OTOF: variants seen among roughly 807,000 people sequenced by gnomAD.
The protein encoded by OTOF is fer-1-like family member 2.
OTOF carries 218 observed loss-of-function variants against 236.8 expected under a neutral mutation model. The observed-to-expected ratio is 0.92, with a 90% CI of 0.82 to 1.03. The LOEUF (loss-of-function observed/expected upper bound fraction) is 1.03, where lower values mean the gene tolerates loss of function less well. Among genes scored for constraint, OTOF ranks in the 50% least tolerant of loss-of-function variants. OTOF has a pLI of 0.00. For synonymous variants in OTOF, 1,041 were observed against 1,072.5 expected (o/e 0.97, Z 0.57); for missense variants, 2,590 against 2,694.4 (o/e 0.96, Z 0.86).
rs1274329905 is a variant in OTOF at position 26,558,685 on chromosome 2, G to A, written c.-114C>T. The A allele has an allele frequency of 2.7e-5, 24 of 903,566 alleles. No homozygotes were observed. The highest frequency in any genetic ancestry group is 6.9e-5 in the South Asian group (5 of 72,888). 56.0% of individuals were successfully genotyped at this position (903,566 alleles called of 1,614,324 possible). A position where few individuals can be genotyped will look rare whatever the true frequency, so the allele number is the denominator to read the frequency against. On this transcript the variant is annotated 5_prime_UTR_variant, in exon 1 of 47. Transcript: ENST00000272371. ...GCCGCTGCCTCCTCCTCCTCCTCCC[G>A]ACCCCCCTCCGATGCTGCCCACAGA... is the stretch of plus-strand genomic sequence containing the variant.
intron 8 of OTOF, among the ~76,000 whole-genome samples, chr2:26,496,669 T>G (rs547615140): frequency 6.6e-6 from 1 of 152,246 alleles, no homozygotes; most frequent in South Asian, 2.1e-4. Context: ...CCATCAGGTC[T>G]CATTTGGATT....
chr2:26,475,724 C>T (rs981232616), intron 24 of OTOF, among the ~76,000 whole-genome samples, 190 bp downstream of exon 24: 1 of 152,166 alleles, frequency 6.6e-6, no homozygotes, highest in Non-Finnish European at 1.5e-5. Flanking sequence ...AGCTAAAGCC[C>T]GTAGCCTTTC....
At chr2:26,510,030 G>A (rs1165155864) in intron 5 of OTOF, among the ~76,000 whole-genome samples, 2 of 152,096 alleles carry the variant, frequency 1.3e-5, no homozygotes, top group African/African-American at 4.8e-5. Context: ...TTCTAGGGGT[G>A]CCTACAAGAC....
intron 1 of OTOF, among the ~76,000 whole-genome samples, chr2:26,552,442 A>G (rs1268600960): frequency 6.6e-6 from 1 of 152,248 alleles, no homozygotes; most frequent in African/African-American, 2.4e-5. Context: ...ATGATCGGTA[A>G]AAGTGGCTAA....
chr2:26,468,177 C>T (rs1379869256), intron 33 of OTOF, among the ~76,000 whole-genome samples: 1 of 152,216 alleles, frequency 6.6e-6, no homozygotes, highest in Non-Finnish European at 1.5e-5. Context: ...TTCTGTGGCT[C>T]TAAATGTCTG....
At chr2:26,489,114 G>T in intron 11 of OTOF, 97 bp downstream of exon 11, 2 of 887,820 alleles carry the variant, frequency 2.3e-6, no homozygotes, top group Non-Finnish European at 1.8e-6. Flanking sequence ...GTCCTTGCCA[G>T]CCTTTTCCCA....
In OTOF at chr2:26,460,278, GACC is replaced by G. The variant is rs1331916136; in HGVS notation, c.5814-76_5814-74del. On this transcript the variant is annotated intron_variant, in intron 45 of 46. Transcript: ENST00000272371. This position sits in a 1 kb window ranked among gnomAD's most constrained non-coding sequence, Gnocchi z 5.3. ...GGGATTGGGTGTGGCGAGGGGCCAA[GACC>G]AAGAGGGAAGCTGTCCTGGGCTGTG... 8.1e-7 allele frequency: 1 copy of G among 1,229,418 alleles called. No individual in the cohort carries two copies. The highest frequency in any genetic ancestry group is 1.5e-5 in the African/African-American group (1 of 67,016). The allele number at this position is 1,229,418 out of a possible 1,614,324, so 76.2% of individuals were successfully genotyped here.
intron 5 of OTOF, among the ~76,000 whole-genome samples, chr2:26,513,762 G>A (rs912864127): frequency 5.3e-5 from 8 of 152,194 alleles, no homozygotes; most frequent in African/African-American, 1.9e-4. Flanking sequence ...GGCTCCTAAC[G>A]GGGTCAGAGG....
chr2:26,521,546 T>C lies in OTOF; in HGVS notation c.228-2437A>G, dbSNP rs115307596. On this transcript the variant is annotated intron_variant, in intron 3 of 46. Transcript: ENST00000272371. ...AATCCCTGAAACAACCTCCCTGACA[T>C]GTGCTTTTAAGTCCCTGCTAGATAC... is the stretch of plus-strand genomic sequence containing the variant. Among the ~76,000 whole-genome samples, 512 of 152,282 alleles carry C rather than the reference T, an allele frequency of 3.4e-3. 3 individuals carry two copies. Among genetic ancestry groups the C allele is most frequent in the African/African-American group, 0.012 (484 of 41,562 alleles).
chr2:26,483,088 CAT>C (rs560905947), intron 13 of OTOF, among the ~76,000 whole-genome samples: 1,521 of 136,574 alleles, frequency 0.011, 16 homozygotes, highest in Non-Finnish European at 0.015. Flanking sequence ...TGAATGGGTG[CAT>C]GTGTGTGTGT....
In OTOF at chr2:26,458,219, G is replaced by C; in HGVS notation, c.*19C>G. On this transcript the variant is annotated splice_region_variant and 3_prime_UTR_variant, in exon 47 of 47. Transcript: ENST00000272371. ...AACCAGACGAAGGCCGTGTCGGGCC[G>C]GCTGGGAAGTGGAAGAGAGGAGCCG... 1.3e-6 allele frequency: 2 copies of C among 1,577,442 alleles called. No homozygotes were observed. The highest frequency in any genetic ancestry group is 1.7e-6 in the Non-Finnish European group (2 of 1,161,534).
intron 6 of OTOF, among the ~76,000 whole-genome samples, chr2:26,502,935 C>G (rs926233467): frequency 6.6e-6 from 1 of 152,222 alleles, no homozygotes; most frequent in African/African-American, 2.4e-5. Flanking sequence ...GAACCTAATG[C>G]ATTGGTGTGT....
chr2:26,484,368 G>T, intron 12 of OTOF, 106 bp downstream of exon 12: 2 of 1,209,676 alleles, frequency 1.7e-6, no homozygotes, highest in Non-Finnish European at 2.4e-6. Context: ...CGAGAGCAGG[G>T]TGAGGGAGAC....
intron 38 of OTOF, 29 bp from the exon 39 acceptor site, chr2:26,465,058 G>A (rs1430510852): frequency 2.8e-6 from 4 of 1,450,682 alleles, no homozygotes; most frequent in Non-Finnish European, 2.7e-6. Flanking sequence ...AGGCTTGGAG[G>A]GGCTGGGTGG....
intron 39 of OTOF, among the ~76,000 whole-genome samples, chr2:26,464,334 G>A (rs959155350): frequency 6.6e-6 from 1 of 151,920 alleles, no homozygotes; most frequent in Non-Finnish European, 1.5e-5. Context: ...TCTGCTTGGG[G>A]AAGTTGACTG....
intron 1 of OTOF, among the ~76,000 whole-genome samples, chr2:26,557,475 G>GCTCCGCTGTCCCCGGGGT (rs1045820571): frequency 6.6e-6 from 1 of 152,142 alleles, no homozygotes; most frequent in Non-Finnish European, 1.5e-5. Context: ...ATGCTCAGGG[G>GCTCCGCTGTCCCCGGGGT]CTCCGCTGTC....
At position 26,503,930 on chromosome 2, in the gene OTOF, GAAC is replaced by G. The variant is rs932725571; in HGVS notation, c.510-88_510-86del. On this transcript the variant is annotated intron_variant, in intron 5 of 46. Transcript: ENST00000272371. The stretch of plus-strand genomic sequence containing the variant: ...AAACACAGAAGAGCCAAACATGAGA[GAAC>G]ACATCAGAGAAGGGAGATGGACCCG... 7.5e-6 allele frequency: 9 copies of G among 1,195,078 alleles called. No individual in the cohort carries two copies. In the African/African-American group the frequency reaches 1.3e-4, roughly 18 times the overall value. The allele number at this position is 1,195,078 out of a possible 1,614,324, so 74.0% of individuals were successfully genotyped here.
chr2:26,481,328 A>T lies in OTOF; in HGVS notation c.1580-319T>A, dbSNP rs1665535675. Among the ~76,000 whole-genome samples the T allele has an allele frequency of 2.6e-5, 4 of 152,148 alleles. No individual in the cohort carries two copies. The South Asian group carries it at 8.3e-4, about 32-fold the overall frequency. Reference sequence around the variant, plus strand: ...CCAGTCCTTCCAAGTCCGCAGCATGACCTTGGGCCCTGTGCCATTTTTGCA... The same window carrying T: ...CCAGTCCTTCCAAGTCCGCAGCATGTCCTTGGGCCCTGTGCCATTTTTGCA... On this transcript the variant is annotated intron_variant, in intron 14 of 46. Transcript: ENST00000272371.
rs541540265 is a variant in OTOF at position 26,499,078 on chromosome 2, G to T, written c.765+2676C>A. On this transcript the variant is annotated intron_variant, in intron 8 of 46. Coordinates refer to ENST00000272371, the MANE Select transcript of OTOF (RefSeq NM_194248.3). ...GAGATGTTGGGTGACAATGTATTAAGTCTTGGTGCCAGGAAGAGATGGTAA... is the reference window on the plus strand; with the variant it reads ...GAGATGTTGGGTGACAATGTATTAATTCTTGGTGCCAGGAAGAGATGGTAA... Among the ~76,000 whole-genome samples, 10 of 152,252 alleles carry T rather than the reference G, an allele frequency of 6.6e-5. No homozygotes were observed. In the South Asian group the frequency reaches 2.1e-3, roughly 32 times the overall value.
Sources: allele counts gnomAD v4.1 joint callset (sites outside exome capture counted in the v4.1 genomes callset), GRCh38; gene constraint gnomAD v4.1.1; non-coding constraint Gnocchi (gnomAD v3.1); transcripts MANE v1.5; gene names NCBI Gene and HGNC (gene_info 2026-07-23, HGNC 2026-07-21).